RHPN2: variants seen among roughly 807,000 people sequenced by gnomAD.
RHPN2 encodes the protein rhophilin-2.
RHPN2 carries 40 observed loss-of-function variants against 79.0 expected under a neutral mutation model. The observed-to-expected ratio is 0.51, with a 90% CI of 0.39 to 0.66. RHPN2 has a LOEUF of 0.66. Ranked by LOEUF, RHPN2 falls within the 30% of genes least tolerant of loss-of-function variation. The probability of loss-of-function intolerance (pLI) is 0.00; values close to 1 mark genes in which losing one functional copy is unlikely to be tolerated. For missense variants in RHPN2, 686 were observed against 883.5 expected, an observed-to-expected ratio of 0.78 and a Z score of 2.83; for synonymous variants, 285 against 363.5, an observed-to-expected ratio of 0.78 and a Z score of 2.46.
chr19:33,062,773 A>C (rs926500219), intron 1 of RHPN2, among the ~76,000 whole-genome samples: 2,373 of 49,220 alleles, frequency 0.048, 84 homozygotes, highest in African/African-American at 0.26. Context: ...GTTTCATAAT[A>C]ATAATAATAA....
intron 1 of RHPN2, 53 bp downstream of exon 1, chr19:33,064,731 G>A (rs909980168): frequency 4.0e-6 from 6 of 1,505,484 alleles, no homozygotes; most frequent in Admixed American, 4.0e-5. Flanking sequence ...GGGCCCGGGG[G>A]AAAGGAGGTC....
chr19:33,029,832 G>A (rs940251673), intron 2 of RHPN2, among the ~76,000 whole-genome samples: 3 of 152,228 alleles, frequency 2.0e-5, no homozygotes, highest in African/African-American at 7.2e-5. Flanking sequence ...GAGGAGGCCC[G>A]GCCCAGGCTT....
chr19:33,061,281 C>T (rs953317682), intron 1 of RHPN2, among the ~76,000 whole-genome samples: 1 of 146,098 alleles, frequency 6.8e-6, no homozygotes, highest in East Asian at 2.0e-4. Context: ...CAGGCAGTGG[C>T]GCAATCTCGG....
intron 2 of RHPN2, among the ~76,000 whole-genome samples, chr19:33,030,560 A>G (rs8109733): frequency 0.33 from 50,646 of 151,932 alleles, 9,587 homozygotes; most frequent in East Asian, 0.52. Context: ...ACCACTGCAC[A>G]CCAGCCTGGG....
chr19:33,047,376 G>A (rs1438975737), intron 1 of RHPN2, among the ~76,000 whole-genome samples: 1 of 152,068 alleles, frequency 6.6e-6, no homozygotes, highest in Non-Finnish European at 1.5e-5. Flanking sequence ...GTGCCCTGGG[G>A]TATTTGGATT....
rs527455373 is a variant in RHPN2 at position 33,012,572 on chromosome 19, C to T, written c.468+75G>A. On this transcript the variant is annotated intron_variant, in intron 5 of 14. Coordinates refer to ENST00000254260, the MANE Select transcript of RHPN2 (RefSeq NM_033103.5). ...TCCACCCGCGATTCTGTTAAGACCACAAGCGTGCAATAATGGGGTTCCCTG... is the reference window on the plus strand; with the variant it reads ...TCCACCCGCGATTCTGTTAAGACCATAAGCGTGCAATAATGGGGTTCCCTG... The T allele has an allele frequency of 1.2e-5, 11 of 911,446 alleles. No individual in the cohort carries two copies. In the African/African-American group the frequency reaches 1.8e-4, roughly 15 times the overall value. The allele number at this position is 911,446 out of a possible 1,614,324, so 56.5% of individuals were successfully genotyped here.
At chr19:32,990,806 G>A in intron 13 of RHPN2, 137 bp from the exon 14 acceptor site, 1 of 856,886 alleles carries the variant, frequency 1.2e-6, no homozygotes, top group Admixed American at 2.0e-5. Flanking sequence ...GAGACGGGTA[G>A]ATCACTTGAG....
chr19:33,050,278 T>C (rs1233410332), intron 1 of RHPN2, among the ~76,000 whole-genome samples: 2 of 152,160 alleles, frequency 1.3e-5, no homozygotes, highest in Non-Finnish European at 2.9e-5. Context: ...GAGAAACAGA[T>C]TTGGCGATGT....
chr19:33,009,115 G>T (rs35786420), intron 6 of RHPN2, among the ~76,000 whole-genome samples: 2 of 151,686 alleles, frequency 1.3e-5, no homozygotes, highest in East Asian at 1.9e-4. Context: ...GGGGGAGGGA[G>T]GGAGGGGGAG....
intron 4 of RHPN2, among the ~76,000 whole-genome samples, chr19:33,013,130 C>T (rs2145239253): frequency 6.6e-6 from 1 of 151,986 alleles, no homozygotes; most frequent in South Asian, 2.1e-4. Flanking sequence ...CCCACCTCGC[C>T]CTCCCAAAGT....
At chr19:32,985,741 C>T (rs1292762924) in intron 14 of RHPN2, among the ~76,000 whole-genome samples, 2 of 152,202 alleles carry the variant, frequency 1.3e-5, no homozygotes, top group African/African-American at 4.8e-5. Flanking sequence ...AAGTGATTCT[C>T]ATGCCTCAGC....
At chr19:32,980,341 C>T (rs982959010) in intron 14 of RHPN2, 85 bp from the exon 15 acceptor site, 5 of 1,502,104 alleles carry the variant, frequency 3.3e-6, no homozygotes, top group African/African-American at 1.4e-5. Context: ...GGCGCGGTGG[C>T]TCACACCTGT....
At chr19:33,010,946 G>T (rs141206509) in intron 6 of RHPN2, among the ~76,000 whole-genome samples, 1 of 152,166 alleles carries the variant, frequency 6.6e-6, no homozygotes, top group Non-Finnish European at 1.5e-5. Flanking sequence ...GCCTCCCAAA[G>T]TGTTGGCATT....
chr19:32,985,085 G>C (rs1159065860), intron 14 of RHPN2, among the ~76,000 whole-genome samples: 1 of 151,834 alleles, frequency 6.6e-6, no homozygotes, highest in Non-Finnish European at 1.5e-5. Context: ...TGCAACCTCT[G>C]CCTCCTGGGT....
intron 4 of RHPN2, among the ~76,000 whole-genome samples, chr19:33,020,571 G>A (rs2145245150): frequency 6.6e-6 from 1 of 150,530 alleles, no homozygotes; most frequent in Middle Eastern, 3.4e-3. Context: ...TCGGCTCCCT[G>A]CAACCTCCAC....
At chr19:33,014,689 G>A (rs10416880) in intron 4 of RHPN2, among the ~76,000 whole-genome samples, 3,342 of 152,254 alleles carry the variant, frequency 0.022, 130 homozygotes, top group African/African-American at 0.077. Flanking sequence ...GGAGGCTGAG[G>A]TAGGTAGATC....
At chr19:33,012,801 GTGAACCCATTTTTAAA>G in intron 4 of RHPN2, 77 bp from the exon 5 acceptor site, 1 of 808,146 alleles carries the variant, frequency 1.2e-6, no homozygotes, top group Middle Eastern at 2.2e-4. Flanking sequence ...TATGTCAATT[GTGAACCCATTTTTAAA>G]AAGGCAGAAT....
intron 2 of RHPN2, among the ~76,000 whole-genome samples, chr19:33,031,731 G>A (rs1972013705): frequency 6.6e-6 from 1 of 152,022 alleles, no homozygotes; most frequent in African/African-American, 2.4e-5. Context: ...GCCCAGGCTG[G>A]AGTGCAGTGG....
At chr19:32,982,433 A>G (rs1177631109) in intron 14 of RHPN2, among the ~76,000 whole-genome samples, 1 of 151,994 alleles carries the variant, frequency 6.6e-6, no homozygotes, top group Non-Finnish European at 1.5e-5. Context: ...ATAAATAAAT[A>G]AATAAAATAA....
Sources: allele counts gnomAD v4.1 joint callset (sites outside exome capture counted in the v4.1 genomes callset), GRCh38; gene constraint gnomAD v4.1.1; transcripts MANE v1.5; gene names NCBI Gene and HGNC (gene_info 2026-07-23, HGNC 2026-07-21).